VEPH1: variants seen among roughly 807,000 people sequenced by gnomAD.
The protein encoded by VEPH1 is ventricular zone expressed PH domain containing 1.
In VEPH1, 80 loss-of-function variants were observed where a neutral mutation model predicts 85.2. The ratio of observed to expected loss-of-function variants is 0.94; its 90% CI spans 0.78 to 1.13. The LOEUF (loss-of-function observed/expected upper bound fraction) is 1.13. Ranked by LOEUF, VEPH1 falls within the 50% of genes most tolerant of loss-of-function variation. The probability of loss-of-function intolerance (pLI) is 0.00; values close to 1 mark genes in which losing one functional copy is unlikely to be tolerated. For missense variants in VEPH1, 955 were observed against 980.5 expected (o/e 0.97, Z 0.35); for synonymous variants, 297 against 348.0 (o/e 0.85, Z 1.63).
At position 157,381,012 on chromosome 3, in the gene VEPH1, C is replaced by A. The variant is rs1338363840; in HGVS notation, c.1127+144G>T. On this transcript the variant is annotated intron_variant, in intron 7 of 13. Coordinates refer to ENST00000362010, the MANE Select transcript of VEPH1 (RefSeq NM_001167912.2). ...CACACATTTAGAAGAAAGATTCTGG[C>A]AAGTGCCATAATTTATACAGATATT... 3.4e-5 allele frequency: 26 copies of A among 769,302 alleles called. No homozygotes were observed. The Admixed American group carries it at 7.3e-4, about 22-fold the overall frequency. 47.7% of individuals were successfully genotyped at this position (769,302 alleles called of 1,614,324 possible). A position where few individuals can be genotyped will look rare whatever the true frequency, so the allele number is the denominator to read the frequency against.
intron 6 of VEPH1, among the ~76,000 whole-genome samples, chr3:157,383,147 T>A (rs1728950635): frequency 6.6e-6 from 1 of 152,182 alleles, no homozygotes; most frequent in African/African-American, 2.4e-5. Context: ...TTTTAGTACT[T>A]AATTGCATTT....
intron 11 of VEPH1, among the ~76,000 whole-genome samples, chr3:157,294,717 G>C (rs2108422013): frequency 6.6e-6 from 1 of 152,330 alleles, no homozygotes; most frequent in East Asian, 1.9e-4. Context: ...GTTTAGGGCT[G>C]TGAAAATATT....
chr3:157,369,895 C>T (rs1182684314), intron 7 of VEPH1, among the ~76,000 whole-genome samples: 1 of 152,094 alleles, frequency 6.6e-6, no homozygotes, highest in Non-Finnish European at 1.5e-5. Context: ...ATCCATGGGT[C>T]CTGTATGTGT....
intron 12 of VEPH1, among the ~76,000 whole-genome samples, chr3:157,282,353 G>A (rs967795949): frequency 7.2e-5 from 11 of 152,160 alleles, no homozygotes; most frequent in African/African-American, 2.7e-4. Context: ...CTACAGGCAC[G>A]TGCCATTGCA....
intron 9 of VEPH1, among the ~76,000 whole-genome samples, chr3:157,358,826 T>C (rs1244000148): frequency 6.6e-6 from 1 of 152,118 alleles, no homozygotes; most frequent in Non-Finnish European, 1.5e-5. Flanking sequence ...TGAAACCCCG[T>C]CCCTACTAAA....
intron 12 of VEPH1, among the ~76,000 whole-genome samples, chr3:157,276,258 A>G (rs1051171439): frequency 1.3e-5 from 2 of 152,232 alleles, no homozygotes; most frequent in Admixed American, 1.3e-4. Context: ...CTGACCAATT[A>G]CTGATGTACT....
intron 4 of VEPH1, among the ~76,000 whole-genome samples, chr3:157,445,627 G>A (rs1560068582): frequency 1.3e-5 from 2 of 148,908 alleles, no homozygotes; most frequent in Admixed American, 6.6e-5. Flanking sequence ...CTCAAAATAA[G>A]TAAATACATA....
intron 11 of VEPH1, among the ~76,000 whole-genome samples, chr3:157,304,582 C>T (rs1719257515): frequency 6.6e-6 from 1 of 152,156 alleles, no homozygotes; most frequent in Admixed American, 6.6e-5. Context: ...ATAGTAATCT[C>T]TACTTGCTCC....
intron 11 of VEPH1, among the ~76,000 whole-genome samples, chr3:157,306,789 A>G (rs1719556742): frequency 6.6e-6 from 1 of 152,032 alleles, no homozygotes; most frequent in South Asian, 2.1e-4. Context: ...TGGATGAATG[A>G]AGTCTGAGAT....
intron 4 of VEPH1, among the ~76,000 whole-genome samples, chr3:157,456,959 T>C (rs767351155): frequency 1.3e-5 from 2 of 152,220 alleles, no homozygotes; most frequent in East Asian, 1.9e-4. Context: ...TAAATTACTT[T>C]GGGCAGCATG....
At chr3:157,390,644 T>C (rs1729768573) in intron 6 of VEPH1, among the ~76,000 whole-genome samples, 1 of 152,122 alleles carries the variant, frequency 6.6e-6, no homozygotes, top group African/African-American at 2.4e-5. Context: ...AGAAGGAGAA[T>C]GGGACTCCAC....
chr3:157,341,204 G>A (rs2108647891), intron 9 of VEPH1, among the ~76,000 whole-genome samples: 2 of 152,318 alleles, frequency 1.3e-5, no homozygotes, highest in South Asian at 4.1e-4. Flanking sequence ...AGAGAAGAAG[G>A]CTTCAGATGA....
intron 11 of VEPH1, among the ~76,000 whole-genome samples, chr3:157,287,068 TATCCATATC>T (rs1716873909): frequency 6.6e-6 from 1 of 152,052 alleles, no homozygotes; most frequent in South Asian, 2.1e-4. Flanking sequence ...GAGAACCAAT[TATCCATATC>T]AAAAAATATT....
intron 9 of VEPH1, among the ~76,000 whole-genome samples, chr3:157,358,547 G>A (rs534118962): frequency 1.1e-4 from 16 of 152,230 alleles, no homozygotes; most frequent in African/African-American, 3.6e-4. Flanking sequence ...GAAGCATTAA[G>A]TGGATGGGCG....
intron 6 of VEPH1, among the ~76,000 whole-genome samples, chr3:157,400,294 A>C (rs1577568365): frequency 6.6e-6 from 1 of 152,284 alleles, no homozygotes; most frequent in South Asian, 2.1e-4. Flanking sequence ...AACATGTTAA[A>C]AATTAAGGAT....
intron 9 of VEPH1, among the ~76,000 whole-genome samples, chr3:157,350,536 A>T (rs551895633): frequency 2.0e-5 from 3 of 152,236 alleles, no homozygotes; most frequent in Non-Finnish European, 4.4e-5. Flanking sequence ...TTCAAACTAA[A>T]AAGCTTCTGC....
At chr3:157,359,397 A>T (rs1000410969) in intron 9 of VEPH1, among the ~76,000 whole-genome samples, 1 of 152,250 alleles carries the variant, frequency 6.6e-6, no homozygotes, top group Non-Finnish European at 1.5e-5. Context: ...TGCTCTGCTT[A>T]TGAATACATA....
intron 4 of VEPH1, among the ~76,000 whole-genome samples, chr3:157,456,135 GTTT>G (rs1378465627): frequency 6.6e-6 from 1 of 151,930 alleles, no homozygotes; most frequent in Non-Finnish European, 1.5e-5. Flanking sequence ...GTAATGTTGA[GTTT>G]TTTTCATGAT....
chr3:157,468,946 A>G (rs1349012084), intron 3 of VEPH1, among the ~76,000 whole-genome samples: 2 of 152,138 alleles, frequency 1.3e-5, no homozygotes, highest in African/African-American at 4.8e-5. Context: ...GGCTTGCATT[A>G]GATTTCTATT....
Sources: allele counts gnomAD v4.1 joint callset (sites outside exome capture counted in the v4.1 genomes callset), GRCh38; gene constraint gnomAD v4.1.1; transcripts MANE v1.5; gene names NCBI Gene and HGNC (gene_info 2026-07-23, HGNC 2026-07-21).